Variants in TRHDE observed in about 807,000 individuals in gnomAD.
The protein encoded by TRHDE is thyrotropin-releasing hormone-degrading ectoenzyme.
In TRHDE, 72 loss-of-function variants were observed where a neutral mutation model predicts 125.7. The observed-to-expected ratio is 0.57, with a 90% CI of 0.47 to 0.70. TRHDE has a LOEUF of 0.70. TRHDE is among the 30% of genes least tolerant of loss of function. TRHDE has a pLI of 0.00. For synonymous variants in TRHDE, 509 were observed against 509.1 expected (o/e 1.00, Z 0.00); for missense variants, 1,110 against 1,327.1 (o/e 0.84, Z 2.54).
chr12:72,296,273 C>T (rs949422979), intron 2 of TRHDE, among the ~76,000 whole-genome samples: 1 of 152,046 alleles, frequency 6.6e-6, no homozygotes, highest in African/African-American at 2.4e-5. Flanking sequence ...GTAATTTTGA[C>T]CAATATTGAA....
chr12:72,567,057 GAAC>G (rs1870481493), intron 9 of TRHDE, among the ~76,000 whole-genome samples: 1 of 151,838 alleles, frequency 6.6e-6, no homozygotes, highest in Non-Finnish European at 1.5e-5. Context: ...TATTTTTAGA[GAAC>G]AACTGTTAAT....
intron 2 of TRHDE, among the ~76,000 whole-genome samples, chr12:72,243,750 A>G (rs1237375343): frequency 6.6e-6 from 1 of 152,176 alleles, no homozygotes; most frequent in Non-Finnish European, 1.5e-5. Flanking sequence ...AGACCTTTTC[A>G]ACCATCTTGA....
At chr12:72,449,594 CCTA>C (rs1170261435) in intron 3 of TRHDE, among the ~76,000 whole-genome samples, 2 of 151,780 alleles carry the variant, frequency 1.3e-5, no homozygotes, top group East Asian at 3.9e-4. Context: ...GGTGCAAATC[CCTA>C]CTATTTTTGA....
At chr12:72,092,169 A>G (rs1879914) in intron 1 of TRHDE, among the ~76,000 whole-genome samples, 115,367 of 152,144 alleles carry the variant, frequency 0.76, 44,137 homozygotes, top group Non-Finnish European at 0.81. Context: ...CTAACATACT[A>G]CCAAATATGT....
At chr12:72,120,167 C>T (rs1385710777) in intron 2 of TRHDE, among the ~76,000 whole-genome samples, 1 of 151,904 alleles carries the variant, frequency 6.6e-6, no homozygotes, top group African/African-American at 2.4e-5. Context: ...TCTCCTGCCT[C>T]AGCCTCCTGA....
At chr12:72,236,230 C>T (rs191458069) in intron 2 of TRHDE, among the ~76,000 whole-genome samples, 459 of 152,196 alleles carry the variant, frequency 3.0e-3, no homozygotes, top group African/African-American at 0.011. Context: ...TCTGTAGTGC[C>T]AAATCAAGGC....
chr12:72,650,648 T>C (rs949551829), intron 15 of TRHDE, among the ~76,000 whole-genome samples: 2 of 152,032 alleles, frequency 1.3e-5, no homozygotes, highest in Non-Finnish European at 2.9e-5. Context: ...ATTAAGGAAA[T>C]GTACATTGAT....
intron 12 of TRHDE, among the ~76,000 whole-genome samples, chr12:72,600,239 C>T (rs1336850645): frequency 1.3e-5 from 2 of 151,666 alleles, no homozygotes; most frequent in Non-Finnish European, 2.9e-5. Flanking sequence ...TATTTGGGCT[C>T]CTTTTTGGTT....
upstream of TRHDE, among the ~76,000 whole-genome samples, chr12:72,271,377 C>G (rs1879202655): frequency 6.6e-6 from 1 of 152,130 alleles, no homozygotes; most frequent in African/African-American, 2.4e-5. Context: ...TCTTCTTTTG[C>G]TCTCTATGTT....
At chr12:72,634,917 T>A (rs1338756297) in intron 15 of TRHDE, among the ~76,000 whole-genome samples, 2 of 152,136 alleles carry the variant, frequency 1.3e-5, no homozygotes, top group Non-Finnish European at 2.9e-5. Context: ...GACCTTTGGG[T>A]TGGTTCCAAG....
intron 6 of TRHDE, among the ~76,000 whole-genome samples, chr12:72,539,491 A>T (rs1339482054): frequency 6.6e-6 from 1 of 151,866 alleles, no homozygotes; most frequent in African/African-American, 2.4e-5. Context: ...TCTGTTATCC[A>T]TGTCTTACAT....
intron 5 of TRHDE, among the ~76,000 whole-genome samples, chr12:72,487,788 T>C (rs1456340106): frequency 2.6e-5 from 4 of 152,050 alleles, no homozygotes; most frequent in South Asian, 2.1e-4. Context: ...ATCTTTAGTA[T>C]GAAGGTTAAA....
intron 2 of TRHDE, chr12:72,262,942 A>C (rs1178734889): frequency 6.6e-6 from 1 of 152,152 alleles, no homozygotes; most frequent in Non-Finnish European, 1.5e-5. Flanking sequence ...TCTTTAGTGC[A>C]GTCTCATTTT....
chr12:72,120,900 G>A (rs556814444), intron 2 of TRHDE, among the ~76,000 whole-genome samples: 135 of 151,788 alleles, frequency 8.9e-4, no homozygotes, highest in African/African-American at 3.0e-3. Context: ...AAATGGTCTC[G>A]ATCTCCTGAT....
intron 15 of TRHDE, among the ~76,000 whole-genome samples, chr12:72,624,756 A>G (rs1192755797): frequency 6.6e-6 from 1 of 151,926 alleles, no homozygotes; most frequent in Non-Finnish European, 1.5e-5. Flanking sequence ...ATAAAAATGG[A>G]TTGAGCTACA....
chr12:72,655,363 C>T (rs1042996532), intron 17 of TRHDE, among the ~76,000 whole-genome samples: 2 of 152,154 alleles, frequency 1.3e-5, no homozygotes, highest in Non-Finnish European at 2.9e-5. Flanking sequence ...CGTGAGCCAC[C>T]GCCTTGGCCT....
At chr12:72,567,642 G>A (rs938724923) in intron 9 of TRHDE, among the ~76,000 whole-genome samples, 21 of 151,836 alleles carry the variant, frequency 1.4e-4, no homozygotes, top group African/African-American at 3.4e-4. Context: ...TTGAGATCAC[G>A]CAATATCTTG....
chr12:72,323,729 C>T (rs984326724), intron 2 of TRHDE, among the ~76,000 whole-genome samples: 7 of 151,914 alleles, frequency 4.6e-5, no homozygotes, highest in African/African-American at 9.7e-5. Context: ...AGTTACAGAA[C>T]GAGACAACTG....
Position 72,539,128 on chromosome 12 carries a change from C to T in TRHDE, c.1723-3163C>T, listed in dbSNP as rs148031169. ...ATCCTCCAAGGTTCAACACAAATAACACTTCTTTAGACCCTCGTTATCCTT... is the reference window on the plus strand; with the variant it reads ...ATCCTCCAAGGTTCAACACAAATAATACTTCTTTAGACCCTCGTTATCCTT... On this transcript the variant is annotated intron_variant, in intron 6 of 18. Coordinates refer to ENST00000261180, the MANE Select transcript of TRHDE (RefSeq NM_013381.3). Among the ~76,000 whole-genome samples, 224 of 152,006 alleles carry T rather than the reference C, an allele frequency of 1.5e-3. 1 individual carries two copies. Among genetic ancestry groups the T allele is most frequent in the African/African-American group, 4.9e-3 (205 of 41,508 alleles).
Sources: gnomAD v4.1 joint callset for allele counts (sites outside exome capture counted in the v4.1 genomes callset) on GRCh38, gnomAD v4.1.1 for gene constraint, MANE v1.5 for transcripts, NCBI Gene and HGNC (gene_info 2026-07-23, HGNC 2026-07-21) for gene names.